The following LRP2 variants were observed in gnomAD, a reference collection of about 807,000 sequenced individuals.
LRP2 encodes low-density lipoprotein receptor-related protein 2.
LRP2 carries 172 observed loss-of-function variants against 531.0 expected under a neutral mutation model. That is an observed-to-expected ratio of 0.32 (90% CI 0.29 to 0.37). LRP2 has a LOEUF of 0.37. LRP2 is among the 10% of genes least tolerant of loss of function. The probability of loss-of-function intolerance (pLI) is 1.00; values close to 1 mark genes in which losing one functional copy is unlikely to be tolerated. For missense variants in LRP2, 5,167 were observed against 5,868.3 expected, an observed-to-expected ratio of 0.88 and a Z score of 3.90; for synonymous variants, 1,992 against 2,027.6, an observed-to-expected ratio of 0.98 and a Z score of 0.47.
chr2:169,157,519 C>A lies in LRP2; in HGVS notation c.11888-17G>T, dbSNP rs769736423. 1.2e-6 allele frequency: 2 copies of A among 1,611,584 alleles called. No individual in the cohort carries two copies. Among genetic ancestry groups the A allele is most frequent in the Non-Finnish European group, 1.7e-6 (2 of 1,178,990 alleles). On this transcript the variant is annotated splice_polypyrimidine_tract_variant and intron_variant, in intron 63 of 78. Transcript: ENST00000649046. ...TTCCTTTATCTGAAAAACAAAATCCCAGCATTACAAACCAGATCAGCCACA... is the reference window on the plus strand; with the variant it reads ...TTCCTTTATCTGAAAAACAAAATCCAAGCATTACAAACCAGATCAGCCACA...
intron 58 of LRP2, 104 bp downstream of exon 58, chr2:169,171,911 T>C: frequency 7.2e-7 from 1 of 1,396,852 alleles, no homozygotes; most frequent in Non-Finnish European, 1.0e-6. Context: ...CTTGATATCA[T>C]CCTACCCATT....
chr2:169,194,855 G>A (rs1687952228), intron 46 of LRP2, among the ~76,000 whole-genome samples: 1 of 151,762 alleles, frequency 6.6e-6, no homozygotes, highest in African/African-American at 2.4e-5. Flanking sequence ...GGGATTACAG[G>A]CGTGTGCCAC....
intron 61 of LRP2, among the ~76,000 whole-genome samples, chr2:169,167,698 C>A (rs548810685): frequency 6.6e-6 from 1 of 152,180 alleles, no homozygotes; most frequent in South Asian, 2.1e-4. Flanking sequence ...CCAAGTGGCA[C>A]TGACATTCCT....
At chr2:169,276,855 A>ATC (rs1683568445) in intron 13 of LRP2, among the ~76,000 whole-genome samples, 2 of 152,046 alleles carry the variant, frequency 1.3e-5, no homozygotes, top group South Asian at 4.1e-4. Flanking sequence ...TTTTTTTTAC[A>ATC]TTAAGTTGTA....
rs978870972 is a variant in LRP2, at chr2:169,205,390, A to G, written c.7715+89T>C. On this transcript the variant is annotated intron_variant, in intron 41 of 78. Transcript: ENST00000649046. ...TGGCAATGTCTATCTGGCATGCTAT[A>G]TTTTCATCACATGATGCAAATCCCT... The G allele has an allele frequency of 7.0e-6, 10 of 1,424,130 alleles. No individual in the cohort carries two copies. The African/African-American group carries it at 1.3e-4, about 18-fold the overall frequency. 88.2% of individuals were successfully genotyped at this position (1,424,130 alleles called of 1,614,324 possible). A position where few individuals can be genotyped will look rare whatever the true frequency, so the allele number is the denominator to read the frequency against.
chr2:169,154,391 A>T, intron 66 of LRP2, 69 bp downstream of exon 66: 1 of 1,439,500 alleles, frequency 6.9e-7, no homozygotes, highest in Non-Finnish European at 9.8e-7. Flanking sequence ...TAAATTCCTT[A>T]AAAGTCAACA....
rs1330011404 is a variant in LRP2 at position 169,347,912 on chromosome 2, C to A, written c.79+14409G>T. On this transcript the variant is annotated intron_variant, in intron 1 of 78. Transcript: ENST00000649046. Reference sequence around the variant, plus strand: ...ATGGTACCAGCCTCTGAAATGAGGTCATCTGATCATAATATGAGAAATTAA... The same window carrying A: ...ATGGTACCAGCCTCTGAAATGAGGTAATCTGATCATAATATGAGAAATTAA... Among the ~76,000 whole-genome samples, 5 of 152,256 alleles carry A rather than the reference C, an allele frequency of 3.3e-5. No homozygotes were observed. The East Asian group carries it at 9.6e-4, about 29-fold the overall frequency.
At chr2:169,158,490 T>C (rs1686440916) in intron 63 of LRP2, among the ~76,000 whole-genome samples, 1 of 151,978 alleles carries the variant, frequency 6.6e-6, no homozygotes, top group South Asian at 2.1e-4. Flanking sequence ...TACGCTGACA[T>C]GTTATTAATT....
chr2:169,324,981 T>C (rs1685009030), intron 1 of LRP2, among the ~76,000 whole-genome samples: 1 of 150,828 alleles, frequency 6.6e-6, no homozygotes, highest in South Asian at 2.1e-4. Flanking sequence ...TAAATAGAAA[T>C]TTACCATCTT....
chr2:169,155,914 A>G (rs996939799), intron 65 of LRP2, among the ~76,000 whole-genome samples: 2 of 152,128 alleles, frequency 1.3e-5, no homozygotes, highest in African/African-American at 4.8e-5. Flanking sequence ...CCTTTTATTG[A>G]TGACCATCCC....
In LRP2 at chr2:169,200,081, T is replaced by G. The variant is rs554089844; in HGVS notation, c.8453-1170A>C. Among the ~76,000 whole-genome samples, 85 of 152,160 alleles carry G rather than the reference T, an allele frequency of 5.6e-4. 1 individual carries two copies. The highest frequency in any genetic ancestry group is 1.5e-3 in the South Asian group (7 of 4,818). ...CTGGCTAACATGGTGAAACCTCGTC[T>G]CTACTAAAAAATACAAAAAATTAGC... is the stretch of plus-strand genomic sequence containing the variant. On this transcript the variant is annotated intron_variant, in intron 44 of 78. Coordinates refer to ENST00000649046, the MANE Select transcript of LRP2 (RefSeq NM_004525.3).
At chr2:169,262,754 T>G (rs1264749862) in intron 16 of LRP2, among the ~76,000 whole-genome samples, 6 of 150,626 alleles carry the variant, frequency 4.0e-5, no homozygotes, top group Admixed American at 2.6e-4. Flanking sequence ...ACTTTAAAGC[T>G]CATATGGAAC....
At chr2:169,323,909 AT>A (rs1684972960) in intron 1 of LRP2, among the ~76,000 whole-genome samples, 1 of 152,042 alleles carries the variant, frequency 6.6e-6, no homozygotes, top group South Asian at 2.1e-4. Context: ...GGAAAATACA[AT>A]CCACATTGAA....
chr2:169,358,252 C>G (rs1363625834), intron 1 of LRP2, among the ~76,000 whole-genome samples: 1 of 152,182 alleles, frequency 6.6e-6, no homozygotes, highest in Non-Finnish European at 1.5e-5. Context: ...TATCTTAGCT[C>G]TGTCACAGGC....
chr2:169,294,717 TAAAAAAAAAAAAAA>T lies in LRP2; in HGVS notation c.428-21_428-8del, dbSNP rs370823033. On this transcript the variant is annotated splice_polypyrimidine_tract_variant and splice_region_variant and intron_variant, in intron 4 of 78. Transcript: ENST00000649046. ...TGCTCACATGTTGGGTACTCTATTG[TAAAAAAAAAAAAAA>T]AAAAAAAAAGGAAAAGGAAACAGTA... is the stretch of plus-strand genomic sequence containing the variant. 1 of 742,560 alleles carries T rather than the reference TAAAAAAAAAAAAAA, an allele frequency of 1.3e-6. No homozygotes were observed. Among genetic ancestry groups the T allele is most frequent in the South Asian group, 1.7e-5 (1 of 57,740 alleles). 46.0% of individuals were successfully genotyped at this position (742,560 alleles called of 1,614,324 possible). A position where few individuals can be genotyped will look rare whatever the true frequency, so the allele number is the denominator to read the frequency against.
chr2:169,169,360 G>A (rs2105273666), intron 60 of LRP2, among the ~76,000 whole-genome samples: 1 of 152,206 alleles, frequency 6.6e-6, no homozygotes. Flanking sequence ...CCCAACCCAA[G>A]TTCTTTATAC....
intron 42 of LRP2, among the ~76,000 whole-genome samples, chr2:169,203,535 C>A (rs188974550): frequency 2.0e-5 from 3 of 152,246 alleles, no homozygotes; most frequent in South Asian, 2.1e-4. Flanking sequence ...CCGAGGTGGG[C>A]AATCTCTTGA....
intron 76 of LRP2, among the ~76,000 whole-genome samples, chr2:169,134,305 C>G (rs557136051): frequency 6.6e-6 from 1 of 152,154 alleles, no homozygotes; most frequent in Non-Finnish European, 1.5e-5. Context: ...TCCCACCTGA[C>G]GCATATACTG....
chr2:169,222,892 T>C lies in LRP2; in HGVS notation c.5539-2329A>G, dbSNP rs1689070104. 2.0e-5 allele frequency among the ~76,000 whole-genome samples: 3 copies of C among 152,156 alleles called. No homozygotes were observed. The South Asian group carries it at 6.2e-4, about 31-fold the overall frequency. The stretch of plus-strand genomic sequence containing the variant: ...TCAAGACTCAGCTCACAAGTAACCA[T>C]GAATGGGAAATCTGCATGCTCTCTC... On this transcript the variant is annotated intron_variant, in intron 33 of 78. Transcript: ENST00000649046.
Sources: allele counts gnomAD v4.1 joint callset (sites outside exome capture counted in the v4.1 genomes callset), GRCh38; gene constraint gnomAD v4.1.1; transcripts MANE v1.5; gene names NCBI Gene and HGNC (gene_info 2026-07-23, HGNC 2026-07-21).